The following TAFA1 variants were observed in gnomAD, a reference collection of about 807,000 sequenced individuals.
TAFA1 encodes chemokine-like protein TAFA-1.
TAFA1 carries 4 observed loss-of-function variants against 18.5 expected under a neutral mutation model. The ratio of observed to expected loss-of-function variants is 0.22; its 90% CI spans 0.11 to 0.49. The LOEUF is 0.49. Ranked by LOEUF, TAFA1 falls within the 20% of genes least tolerant of loss-of-function variation. The pLI, the probability that TAFA1 is intolerant of heterozygous loss-of-function variation, is 0.98. For synonymous variants in TAFA1, 56 were observed against 55.2 expected, an observed-to-expected ratio of 1.01 and a Z score of -0.06; for missense variants, 147 against 169.0, an observed-to-expected ratio of 0.87 and a Z score of 0.72.
At chr3:68,473,902 C>G (rs1297889191) in intron 3 of TAFA1, among the ~76,000 whole-genome samples, 2 of 152,068 alleles carry the variant, frequency 1.3e-5, no homozygotes, top group Non-Finnish European at 2.9e-5. Context: ...CACTATATCC[C>G]CAGGGCCTAA....
At chr3:68,161,110 G>T (rs1272082319) in intron 2 of TAFA1, among the ~76,000 whole-genome samples, 1 of 152,084 alleles carries the variant, frequency 6.6e-6, no homozygotes, top group Admixed American at 6.6e-5. Context: ...ATAATACTTT[G>T]ATGTCAACAC....
At chr3:68,421,054 C>CAT (rs1328982442) in intron 3 of TAFA1, among the ~76,000 whole-genome samples, 4 of 152,126 alleles carry the variant, frequency 2.6e-5, no homozygotes, top group Non-Finnish European at 4.4e-5. Flanking sequence ...CTCTAATGAT[C>CAT]TAGAAATAGA....
intron 3 of TAFA1, among the ~76,000 whole-genome samples, chr3:68,424,491 AC>A (rs1260080007): frequency 2.0e-5 from 3 of 151,986 alleles, no homozygotes; most frequent in Non-Finnish European, 4.4e-5. Context: ...GACAGATGTA[AC>A]TTTAATTTTT....
intron 3 of TAFA1, among the ~76,000 whole-genome samples, chr3:68,435,167 C>G (rs1051862774): frequency 1.3e-5 from 2 of 152,020 alleles, no homozygotes; most frequent in Non-Finnish European, 2.9e-5. Flanking sequence ...GTCTGGGACT[C>G]TAAGTGACTA....
At chr3:68,059,122 G>T (rs1435261713) in intron 2 of TAFA1, among the ~76,000 whole-genome samples, 1 of 152,134 alleles carries the variant, frequency 6.6e-6, no homozygotes, top group East Asian at 1.9e-4. Context: ...GAGAAAATTT[G>T]TGTGAACAGC....
intron 2 of TAFA1, among the ~76,000 whole-genome samples, chr3:68,091,892 A>G (rs2065033913): frequency 6.6e-6 from 1 of 152,182 alleles, no homozygotes; most frequent in Non-Finnish European, 1.5e-5. Context: ...AGTATCTCCT[A>G]TAACAGTTTG....
chr3:68,153,437 A>G lies in TAFA1; in HGVS notation c.118+146693A>G, dbSNP rs554412504. 2.4e-4 allele frequency among the ~76,000 whole-genome samples: 37 copies of G among 152,242 alleles called. No individual in the cohort carries two copies. In the South Asian group the frequency reaches 7.7e-3, roughly 32 times the overall value. On this transcript the variant is annotated intron_variant, in intron 2 of 4. Coordinates refer to ENST00000478136, the MANE Select transcript of TAFA1 (RefSeq NM_213609.4). ...AGAAGCTGAGAAGGTGGTAGATGAG[A>G]GAGTGGAAAGAATAGGAATTTTGCT...
At chr3:68,419,512 G>A (rs540824866) in intron 3 of TAFA1, among the ~76,000 whole-genome samples, 27 of 152,234 alleles carry the variant, frequency 1.8e-4, no homozygotes, top group Middle Eastern at 3.4e-3. Flanking sequence ...AGTCCAAGGC[G>A]CAAAGGGACT....
intron 2 of TAFA1, among the ~76,000 whole-genome samples, chr3:68,071,768 C>T (rs1017891348): frequency 2.6e-5 from 4 of 152,198 alleles, no homozygotes; most frequent in South Asian, 2.1e-4. Context: ...GGCAACTGCT[C>T]GGCTTCTGGG....
intron 3 of TAFA1, among the ~76,000 whole-genome samples, chr3:68,445,017 A>G (rs1338554275): frequency 5.3e-5 from 8 of 151,982 alleles, no homozygotes; most frequent in Non-Finnish European, 1.2e-4. Context: ...TGAGTAATTC[A>G]AAAAGAATAT....
chr3:68,272,030 A>G (rs1457240455), intron 2 of TAFA1, among the ~76,000 whole-genome samples: 10 of 152,172 alleles, frequency 6.6e-5, no homozygotes, highest in Admixed American at 5.9e-4. Context: ...CCCCGATCCT[A>G]TTGACTTATG....
chr3:68,301,786 TGTGG>T (rs2068307318), intron 2 of TAFA1, among the ~76,000 whole-genome samples: 1 of 152,204 alleles, frequency 6.6e-6, no homozygotes, highest in African/African-American at 2.4e-5. Flanking sequence ...CTGGTGCTTA[TGTGG>T]GAAAGCAAGA....
At chr3:68,221,805 G>A (rs941247648) in intron 2 of TAFA1, among the ~76,000 whole-genome samples, 2 of 152,110 alleles carry the variant, frequency 1.3e-5, no homozygotes, top group Admixed American at 6.5e-5. Flanking sequence ...ATTTGATTGT[G>A]CTATTTGATT....
intron 3 of TAFA1, among the ~76,000 whole-genome samples, chr3:68,497,498 G>A (rs147621814): frequency 7.9e-4 from 120 of 152,290 alleles, no homozygotes; most frequent in African/African-American, 2.7e-3. Flanking sequence ...GGAAGGATGA[G>A]TAGAAATATG....
At chr3:68,461,524 A>C (rs2071781724) in intron 3 of TAFA1, among the ~76,000 whole-genome samples, 1 of 151,362 alleles carries the variant, frequency 6.6e-6, no homozygotes, top group African/African-American at 2.4e-5. Context: ...GAGGTGACAA[A>C]TTGAAGAGGG....
chr3:68,431,747 A>T (rs2071177017), intron 3 of TAFA1, among the ~76,000 whole-genome samples: 2 of 152,044 alleles, frequency 1.3e-5, no homozygotes, highest in South Asian at 2.1e-4. Context: ...ACGTTGTAGC[A>T]GGATGAGTCG....
intron 2 of TAFA1, among the ~76,000 whole-genome samples, chr3:68,308,609 T>C (rs776101945): frequency 1.3e-5 from 2 of 152,204 alleles, no homozygotes; most frequent in Admixed American, 6.5e-5. Flanking sequence ...TAATGCACTT[T>C]ATAGTCAACA....
Position 68,280,794 on chromosome 3 carries a change from A to C in TAFA1, c.119-136486A>C, listed in dbSNP as rs887505387. Among the ~76,000 whole-genome samples the C allele has an allele frequency of 2.0e-5, 3 of 152,202 alleles. No homozygotes were observed. The East Asian group carries it at 5.8e-4, about 29-fold the overall frequency. On this transcript the variant is annotated intron_variant, in intron 2 of 4. Coordinates refer to ENST00000478136, the MANE Select transcript of TAFA1 (RefSeq NM_213609.4). ...AAGTTGTTCCAGAAATAGGAATCAC[A>C]TGACAATAATAAAACTGCATTTACT...
chr3:68,437,345 G>T (rs896699171), intron 3 of TAFA1, among the ~76,000 whole-genome samples: 1 of 152,130 alleles, frequency 6.6e-6, no homozygotes, highest in East Asian at 1.9e-4. Context: ...TAAAATAGTT[G>T]TATTAGTCCA....
Sources: gnomAD v4.1 joint callset for allele counts (sites outside exome capture counted in the v4.1 genomes callset) on GRCh38, gnomAD v4.1.1 for gene constraint, MANE v1.5 for transcripts, NCBI Gene and HGNC (gene_info 2026-07-23, HGNC 2026-07-21) for gene names.